Variants in HAPLN1 observed in about 807,000 individuals in gnomAD.
HAPLN1 encodes hyaluronan and proteoglycan link protein 1, also known as Cartilage link protein.
HAPLN1 carries 13 observed loss-of-function variants against 36.5 expected under a neutral mutation model. The observed-to-expected ratio is 0.36, with a 90% CI of 0.23 to 0.57. The LOEUF (loss-of-function observed/expected upper bound fraction) is 0.57. HAPLN1 is among the 20% of genes least tolerant of loss of function. The probability of loss-of-function intolerance (pLI) is 0.83; values close to 1 mark genes in which losing one functional copy is unlikely to be tolerated. For missense variants in HAPLN1, 407 were observed against 439.7 expected (o/e 0.93, Z 0.66); for synonymous variants, 202 against 169.8 (o/e 1.19, Z -1.48).
At chr5:83,691,327 A>G (rs1422261799) in intron 1 of HAPLN1, among the ~76,000 whole-genome samples, 1 of 152,002 alleles carries the variant, frequency 6.6e-6, no homozygotes, top group Admixed American at 6.6e-5. Context: ...TTCTCCTAGA[A>G]TATTCAGTTA....
chr5:83,645,881 G>T (rs1580118352), intron 3 of HAPLN1, among the ~76,000 whole-genome samples: 1 of 150,488 alleles, frequency 6.6e-6, no homozygotes, highest in African/African-American at 2.4e-5. Flanking sequence ...TTATAAACAG[G>T]AAAAAAAAAC....
intron 1 of HAPLN1, among the ~76,000 whole-genome samples, chr5:83,718,336 C>T (rs1039232714): frequency 6.6e-6 from 1 of 152,110 alleles, no homozygotes; most frequent in Non-Finnish European, 1.5e-5. Context: ...AAACGTCAAC[C>T]GAGGGAGTCA....
intron 1 of HAPLN1, among the ~76,000 whole-genome samples, chr5:83,689,862 A>T (rs1177283059): frequency 6.6e-6 from 1 of 152,066 alleles, no homozygotes; most frequent in East Asian, 1.9e-4. Context: ...TAAACTTAAA[A>T]TTTTTTCATT....
At chr5:83,702,380 TGG>T (rs1751527381) in intron 1 of HAPLN1, among the ~76,000 whole-genome samples, 1 of 152,226 alleles carries the variant, frequency 6.6e-6, no homozygotes, top group Admixed American at 6.5e-5. Flanking sequence ...GTGATAAAGA[TGG>T]ATATGAACAT....
chr5:83,660,512 G>A (rs1195088462), intron 2 of HAPLN1, among the ~76,000 whole-genome samples: 1 of 152,074 alleles, frequency 6.6e-6, no homozygotes, highest in Non-Finnish European at 1.5e-5. Flanking sequence ...GGAGCTCTAG[G>A]AAGTCAACTG....
rs919980108 is a variant in HAPLN1 at position 83,641,343 on chromosome 5, A to G, written c.*153T>C. On this transcript the variant is annotated 3_prime_UTR_variant, in exon 5 of 5. Coordinates refer to ENST00000274341, the MANE Select transcript of HAPLN1 (RefSeq NM_001884.4). Reference sequence around the variant, plus strand: ...TGAATGATAGCTTTACAAAAAACAAATCAATGAATTGATCTTTATGAAAAT... The same window carrying G: ...TGAATGATAGCTTTACAAAAAACAAGTCAATGAATTGATCTTTATGAAAAT... The G allele has an allele frequency of 9.1e-6, 5 of 547,632 alleles. No homozygotes were observed. Among genetic ancestry groups the G allele is most frequent in the African/African-American group, 5.7e-5 (3 of 52,264 alleles). The allele number at this position is 547,632 out of a possible 1,614,324, so 33.9% of individuals were successfully genotyped here.
At chr5:83,664,919 A>G (rs1750512614) in intron 2 of HAPLN1, among the ~76,000 whole-genome samples, 1 of 152,182 alleles carries the variant, frequency 6.6e-6, no homozygotes, top group Non-Finnish European at 1.5e-5. Flanking sequence ...AGCATTATCT[A>G]TCTAATCAGC....
At chr5:83,707,487 G>T (rs1751679626) in intron 1 of HAPLN1, among the ~76,000 whole-genome samples, 1 of 152,178 alleles carries the variant, frequency 6.6e-6, no homozygotes, top group Non-Finnish European at 1.5e-5. Flanking sequence ...ATGGGGAAAA[G>T]ACTCCCTATA....
At chr5:83,665,390 C>G (rs1376714806) in intron 2 of HAPLN1, among the ~76,000 whole-genome samples, 1 of 152,064 alleles carries the variant, frequency 6.6e-6, no homozygotes, top group Non-Finnish European at 1.5e-5. Context: ...CTTTCTCTAC[C>G]CTTCAGTAAC....
At chr5:83,714,850 T>G (rs1751882049) in intron 1 of HAPLN1, among the ~76,000 whole-genome samples, 1 of 152,202 alleles carries the variant, frequency 6.6e-6, no homozygotes, top group African/African-American at 2.4e-5. Flanking sequence ...CATGAAGGGC[T>G]GAGGGGATCA....
chr5:83,652,470 A>G lies in HAPLN1; in HGVS notation c.455T>C (p.Val152Ala). ...ATACATACCTTGTAAGTCCAGTGCT[A>G]CCACAACAGTATCATCTTCTAATCC... ...IEGLEDDTVV[V>A]ALDLQGVVFP... The change falls in exon 3 of 5, where the codon GTA becomes GCA. Residue 152 changes from valine to alanine, a missense_variant. By Grantham distance (64) the Val-to-Ala change is moderately conservative (BLOSUM62 0). Transcript: ENST00000274341. The G allele has an allele frequency of 6.2e-7, 1 of 1,613,794 alleles. No homozygotes were observed. Among genetic ancestry groups the G allele is most frequent in the Non-Finnish European group, 8.5e-7 (1 of 1,179,768 alleles).
chr5:83,686,821 A>G (rs997302604), intron 1 of HAPLN1, among the ~76,000 whole-genome samples: 2 of 152,122 alleles, frequency 1.3e-5, no homozygotes, highest in Admixed American at 1.3e-4. Flanking sequence ...ACAGAAAACA[A>G]AAGAAGGTCA....
intron 1 of HAPLN1, among the ~76,000 whole-genome samples, chr5:83,719,276 A>G: frequency 6.6e-6 from 1 of 152,364 alleles, no homozygotes; most frequent in African/African-American, 2.4e-5. Context: ...CCCATAAGGC[A>G]TTCCTGTCGA....
rs1749632465 is a variant in HAPLN1 at position 83,639,935 on chromosome 5, T to C, written c.*1561A>G. ...TCTATACCTTCCACACACAGAACTCTATAGAGTAAATTTATTAGAATTATT... is the reference window on the plus strand; with the variant it reads ...TCTATACCTTCCACACACAGAACTCCATAGAGTAAATTTATTAGAATTATT... On this transcript the variant is annotated 3_prime_UTR_variant, in exon 5 of 5. Transcript: ENST00000274341. 1 of 152,146 alleles carries C rather than the reference T, an allele frequency of 6.6e-6. No individual in the cohort carries two copies. Among genetic ancestry groups the C allele is most frequent in the Non-Finnish European group, 1.5e-5 (1 of 67,960 alleles). The allele number at this position is 152,146 out of a possible 1,614,324, so 9.4% of individuals were successfully genotyped here.
chr5:83,658,309 CA>C (rs1750279063), intron 2 of HAPLN1, among the ~76,000 whole-genome samples: 1 of 152,120 alleles, frequency 6.6e-6, no homozygotes, highest in Admixed American at 6.5e-5. Flanking sequence ...CTATTGCAAA[CA>C]ATCACTCTGC....
chr5:83,709,254 G>T (rs145693256), intron 1 of HAPLN1, among the ~76,000 whole-genome samples: 176 of 152,182 alleles, frequency 1.2e-3, no homozygotes, highest in African/African-American at 4.1e-3. Context: ...TTTCTGTATT[G>T]CCTATTTTCA....
rs182005469 is a variant in HAPLN1 at position 83,692,018 on chromosome 5, G to A, written c.-26-18469C>T. 2.0e-5 allele frequency among the ~76,000 whole-genome samples: 3 copies of A among 151,860 alleles called. No individual in the cohort carries two copies. In the East Asian group the frequency reaches 5.8e-4, roughly 29 times the overall value. On this transcript the variant is annotated intron_variant, in intron 1 of 4. Transcript: ENST00000274341. ...AAAAAAAAATTGAATGGGATTAATG[G>A]CAGGTTAAACAATTCAGGATAAAAG...
At chr5:83,678,670 T>A (rs1750920398) in intron 1 of HAPLN1, among the ~76,000 whole-genome samples, 1 of 151,646 alleles carries the variant, frequency 6.6e-6, no homozygotes, top group Non-Finnish European at 1.5e-5. Context: ...TATCGATGGG[T>A]GGAAAGTGGG....
rs114329734 is a variant in HAPLN1 at position 83,653,210 on chromosome 5, C to T, written c.101-386G>A. On this transcript the variant is annotated intron_variant, in intron 2 of 4. Transcript: ENST00000274341. ...AAGTGAGAGAGTTGCATGATGGGTT[C>T]GTCAATATAAACCCAAACATTTCAA... Among the ~76,000 whole-genome samples the T allele has an allele frequency of 7.4e-3, 1,123 of 152,164 alleles. 17 individuals are homozygous for T. The highest frequency in any genetic ancestry group is 0.026 in the African/African-American group (1,090 of 41,512).
Sources: gnomAD v4.1 joint callset for allele counts (sites outside exome capture counted in the v4.1 genomes callset) on GRCh38, gnomAD v4.1.1 for gene constraint, MANE v1.5 for transcripts, NCBI Gene and HGNC (gene_info 2026-07-23, HGNC 2026-07-21) for gene names.